Variants in FER observed in about 807,000 individuals in gnomAD.
The protein encoded by FER is FER tyrosine kinase.
Under a neutral mutation model 111.0 loss-of-function variants are expected in FER, and 63 were observed. The observed-to-expected ratio is 0.57, with a 90% confidence interval of 0.46 to 0.70. The LOEUF is 0.70. FER is among the 30% of genes least tolerant of loss of function. The pLI is 0.00. For synonymous variants in FER, 327 were observed against 313.9 expected (o/e 1.04, Z -0.44); for missense variants, 914 against 954.0 (o/e 0.96, Z 0.55).
intron 17 of FER, among the ~76,000 whole-genome samples, chr5:109,153,278 A>G (rs551749783): frequency 1.3e-5 from 2 of 152,024 alleles, no homozygotes; most frequent in East Asian, 1.9e-4. Context: ...GTTATGATCA[A>G]TCACATTATC....
intron 10 of FER, among the ~76,000 whole-genome samples, chr5:108,944,850 A>AACCTATCTATAAAGAATCTAT (rs376764528): frequency 0.13 from 20,408 of 152,058 alleles, 1,421 homozygotes; most frequent in Middle Eastern, 0.16. Context: ...CCTTCATATG[A>AACCTATCTATAAAGAATCTAT]AAAGATGTTT....
At chr5:108,812,092 C>T (rs766628312) in intron 3 of FER, among the ~76,000 whole-genome samples, 2 of 152,184 alleles carry the variant, frequency 1.3e-5, no homozygotes, top group Non-Finnish European at 2.9e-5. Flanking sequence ...TGTTTGTCTA[C>T]CTGTCCCATC....
At chr5:108,962,098 T>A (rs2149674762) in intron 13 of FER, among the ~76,000 whole-genome samples, 1 of 152,290 alleles carries the variant, frequency 6.6e-6, no homozygotes, top group East Asian at 1.9e-4. Flanking sequence ...TTCACATTTT[T>A]ATGCACATTC....
chr5:108,838,379 A>G (rs1171398774), intron 5 of FER, among the ~76,000 whole-genome samples: 1 of 152,158 alleles, frequency 6.6e-6, no homozygotes, highest in Non-Finnish European at 1.5e-5. Flanking sequence ...AGGTCTTAGA[A>G]AAGTTATTTA....
chr5:108,872,435 A>C (rs939412855), intron 8 of FER, among the ~76,000 whole-genome samples: 1 of 152,064 alleles, frequency 6.6e-6, no homozygotes, highest in Non-Finnish European at 1.5e-5. Flanking sequence ...CATTTGCCCA[A>C]TTGTTGCTAG....
intron 13 of FER, among the ~76,000 whole-genome samples, chr5:109,008,167 T>C (rs1178616296): frequency 6.6e-6 from 1 of 152,204 alleles, no homozygotes; most frequent in Non-Finnish European, 1.5e-5. Flanking sequence ...TGTATCTCTC[T>C]TTAACCTTAT....
intron 13 of FER, among the ~76,000 whole-genome samples, chr5:108,984,878 C>T (rs1762395529): frequency 6.6e-6 from 1 of 151,790 alleles, no homozygotes; most frequent in Non-Finnish European, 1.5e-5. Flanking sequence ...CATATAAAAT[C>T]AAGTTGTAAG....
chr5:108,886,736 T>A (rs1747232699), intron 9 of FER, among the ~76,000 whole-genome samples: 1 of 151,680 alleles, frequency 6.6e-6, no homozygotes, highest in Admixed American at 6.6e-5. Context: ...ATGAGACCTG[T>A]TTAACCCAAC....
At chr5:108,860,247 A>G (rs1036657200) in intron 5 of FER, among the ~76,000 whole-genome samples, 5 of 150,790 alleles carry the variant, frequency 3.3e-5, no homozygotes, top group African/African-American at 7.4e-5. Flanking sequence ...GGCCATACCT[A>G]TTTTTGTTTT....
rs577872313 is a variant in FER at position 109,170,288 on chromosome 5, T to C, written c.2049-10459T>C. Among the ~76,000 whole-genome samples the C allele has an allele frequency of 1.4e-4, 22 of 152,282 alleles. No individual in the cohort carries two copies. The South Asian group carries it at 4.6e-3, about 32-fold the overall frequency. On this transcript the variant is annotated intron_variant, in intron 17 of 19. Transcript: ENST00000281092. ...GTGCCAAGTCAGGGGCTTTATTTCA[T>C]TCATCTTAAATGGGAAAGAAAATAG...
chr5:108,956,129 A>T (rs1758397931), intron 12 of FER, among the ~76,000 whole-genome samples: 1 of 151,518 alleles, frequency 6.6e-6, no homozygotes, highest in Non-Finnish European at 1.5e-5. Context: ...CATCTAACCT[A>T]CTGTTTTGGA....
At chr5:108,777,391 G>T (rs535825241) in intron 2 of FER, among the ~76,000 whole-genome samples, 133 of 152,206 alleles carry the variant, frequency 8.7e-4, no homozygotes, top group African/African-American at 3.1e-3. Flanking sequence ...CACCAGAGTG[G>T]TATATTTGTT....
chr5:108,938,808 C>G (rs750275003), intron 10 of FER, among the ~76,000 whole-genome samples: 40 of 152,018 alleles, frequency 2.6e-4, no homozygotes, highest in South Asian at 8.3e-4. Context: ...GAATTTAGAG[C>G]TATTCCATGT....
At chr5:109,072,018 A>G (rs1041740704) in intron 16 of FER, among the ~76,000 whole-genome samples, 1 of 151,724 alleles carries the variant, frequency 6.6e-6, no homozygotes, top group African/African-American at 2.4e-5. Flanking sequence ...CTAATTCTTC[A>G]TACAGAAATA....
At chr5:108,794,333 G>A (rs1047812873) in intron 2 of FER, among the ~76,000 whole-genome samples, 6 of 150,874 alleles carry the variant, frequency 4.0e-5, no homozygotes, top group African/African-American at 1.2e-4. Flanking sequence ...TTCTCCTGCT[G>A]CGGCCTCCCT....
intron 14 of FER, 28 bp downstream of exon 14, chr5:109,037,506 A>G: frequency 6.3e-7 from 1 of 1,587,778 alleles, no homozygotes; most frequent in Non-Finnish European, 8.6e-7. Flanking sequence ...CTAAATAACC[A>G]GAAGTCTCTA....
At chr5:109,139,350 C>CTTTTTTTTTTTTTTTTTTTTT (rs59092426) in intron 17 of FER, among the ~76,000 whole-genome samples, 3 of 91,096 alleles carry the variant, frequency 3.3e-5, no homozygotes, top group African/African-American at 1.3e-4. Flanking sequence ...TTCTTTCTTT[C>CTTTTTTTTTTTTTTTTTTTTT]TTTTTTTTTT....
At chr5:108,848,088 T>C (rs1208241975) in intron 5 of FER, among the ~76,000 whole-genome samples, 1 of 152,006 alleles carries the variant, frequency 6.6e-6, no homozygotes, top group Non-Finnish European at 1.5e-5. Context: ...CCATCTTCCC[T>C]AGGCTAATCT....
chr5:109,008,536 ATTC>A (rs1338831661), intron 13 of FER, among the ~76,000 whole-genome samples: 10 of 151,890 alleles, frequency 6.6e-5, no homozygotes, highest in Non-Finnish European at 1.3e-4. Context: ...CAGGTCTTTG[ATTC>A]TTCATTTTTC....
Sources: gnomAD v4.1 joint callset for allele counts (sites outside exome capture counted in the v4.1 genomes callset) on GRCh38, gnomAD v4.1.1 for gene constraint, MANE v1.5 for transcripts, NCBI Gene and HGNC (gene_info 2026-07-23, HGNC 2026-07-21) for gene names.